The following ZNF335 variants were observed in gnomAD, a reference collection of about 807,000 sequenced individuals.
The protein encoded by ZNF335 is NRC-interacting factor 1.
ZNF335 carries 84 observed loss-of-function variants against 145.6 expected under a neutral mutation model. The observed-to-expected ratio is 0.58, with a 90% CI of 0.48 to 0.69. ZNF335 has a LOEUF of 0.69. Ranked by LOEUF, ZNF335 falls within the 30% of genes least tolerant of loss-of-function variation. The pLI, the probability that ZNF335 is intolerant of heterozygous loss-of-function variation, is 0.00. For synonymous variants in ZNF335, 761 were observed against 717.0 expected (o/e 1.06, Z -0.98); for missense variants, 1,865 against 1,809.7 (o/e 1.03, Z -0.55).
Position 45,969,668 on chromosome 20 carries a change from C to G in ZNF335, c.225G>C (p.Ser75=), listed in dbSNP as rs763235246. 2 of 1,611,682 alleles carry G rather than the reference C, an allele frequency of 1.2e-6. No individual in the cohort carries two copies. The highest frequency in any genetic ancestry group is 1.7e-6 in the Non-Finnish European group (2 of 1,179,116). ...RSQEEVSESS[S]SADPLPNSYL... ...AGCTATTAGGCAGGGGGTCTGCGCT[C>G]GAGCTGCTCTCAGATACCTCCTCCT... is the stretch of plus-strand genomic sequence containing the variant. The change falls in exon 3 of 28, where the codon TCG becomes TCC. Residue 75 remains serine (S), a synonymous_variant. Transcript: ENST00000322927.
At position 45,952,456 on chromosome 20, in the gene ZNF335, G is replaced by T. The variant is rs753295526; in HGVS notation, c.2880C>A (p.Pro960=). The T allele has an allele frequency of 1.9e-6, 3 of 1,563,368 alleles. No homozygotes were observed. ...TGGGCAGTCCCCCACACTGCAGCAGGGGCCATTTGGCACCAGAGGCCAGAG... is the reference window on the plus strand; with the variant it reads ...TGGGCAGTCCCCCACACTGCAGCAGTGGCCATTTGGCACCAGAGGCCAGAG... ...PDALASGAKW[P]LLQCGGLPRD... Residue 960 remains proline (P), a synonymous_variant, in exon 20 of 28, where the codon CCC becomes CCA. Coordinates refer to ENST00000322927, the MANE Select transcript of ZNF335 (RefSeq NM_022095.4).
Position 45,971,221 on chromosome 20 carries a change from T to TGCCGCGGTCCGAGCTTTGCC in ZNF335, c.170_189dup (p.Ser64GlyfsTer43). Reference sequence around the variant, plus strand: ...AGCCGGGTCCATACCTGAGAACGGCTGCCGCGGTCCGAGCTTTGCCCCACG... The same window carrying TGCCGCGGTCCGAGCTTTGCC: ...AGCCGGGTCCATACCTGAGAACGGCTGCCGCGGTCCGAGCTTTGCCGCCGCGGTCCGAGCTTTGCCCCACG... On this transcript the variant is annotated frameshift_variant, in exon 2 of 28. Transcript: ENST00000322927. LOFTEE classifies it high-confidence loss of function. 1 of 1,541,528 alleles carries TGCCGCGGTCCGAGCTTTGCC rather than the reference T, an allele frequency of 6.5e-7. No individual in the cohort carries two copies. Among genetic ancestry groups the TGCCGCGGTCCGAGCTTTGCC allele is most frequent in the Non-Finnish European group, 8.7e-7 (1 of 1,146,218 alleles).
At chr20:45,964,753 T>C (rs942264524) in intron 7 of ZNF335, among the ~76,000 whole-genome samples, 2 of 152,002 alleles carry the variant, frequency 1.3e-5, no homozygotes, top group African/African-American at 2.4e-5. Flanking sequence ...AAGAATACAA[T>C]AGGCCAAGTG....
rs1270743813 is a variant in ZNF335, at chr20:45,952,430, C to G, written c.2906G>C (p.Arg969Thr). 1.9e-6 allele frequency: 3 copies of G among 1,572,954 alleles called. No individual in the cohort carries two copies. The highest frequency in any genetic ancestry group is 1.7e-4 in the Middle Eastern group (1 of 5,858). The change falls in exon 20 of 28, where the codon AGA becomes ACA. Residue 969 changes from arginine (R) to threonine (T), a missense_variant. Physicochemically the swap from Arg to Thr is moderately conservative, Grantham distance 71 (BLOSUM62 -1). Transcript: ENST00000322927. ...TGGAGATGGGGGCTCAGGGCCGTCTCTGGGCAGTCCCCCACACTGCAGCAG... is the reference window on the plus strand; with the variant it reads ...TGGAGATGGGGGCTCAGGGCCGTCTGTGGGCAGTCCCCCACACTGCAGCAG... ...WPLLQCGGLP[R>T]DGPEPPSPAK...
chr20:45,954,337 C>A (rs1193769249), intron 17 of ZNF335, among the ~76,000 whole-genome samples: 1 of 152,108 alleles, frequency 6.6e-6, no homozygotes, highest in African/African-American at 2.4e-5. Context: ...ATGCTAACAG[C>A]GCTGCAGACA....
intron 21 of ZNF335, 26 bp downstream of exon 21, chr20:45,950,427 C>T: frequency 6.2e-7 from 1 of 1,613,924 alleles, no homozygotes; most frequent in Non-Finnish European, 8.5e-7. Context: ...GCCCAGCAGT[C>T]CCCACCCACC....
chr20:45,964,726 T>G (rs1011707393), intron 7 of ZNF335, among the ~76,000 whole-genome samples: 3 of 152,110 alleles, frequency 2.0e-5, no homozygotes, highest in Non-Finnish European at 4.4e-5. Flanking sequence ...AAAAAGGCCT[T>G]TTTGAAATAG....
intron 2 of ZNF335, chr20:45,969,927 G>A: frequency 2.2e-6 from 1 of 445,864 alleles, no homozygotes; most frequent in South Asian, 5.2e-5. Flanking sequence ...AATAAGAGAA[G>A]GGACTCCTAA....
chr20:45,957,959 A>C, intron 15 of ZNF335, 31 bp from the exon 16 acceptor site: 1 of 1,577,336 alleles, frequency 6.3e-7, no homozygotes, highest in South Asian at 1.1e-5. Context: ...CACGCCTGAG[A>C]GGGGCCAGCC....
intron 22 of ZNF335, 24 bp from the exon 23 acceptor site, chr20:45,950,093 C>T (rs2083602017): frequency 6.2e-7 from 1 of 1,611,666 alleles, no homozygotes; most frequent in African/African-American, 1.3e-5. Context: ...AGAGGATGCT[C>T]ACCTGGGGTC....
At chr20:45,960,405 GC>G in intron 13 of ZNF335, 37 bp from the exon 14 acceptor site, 1 of 1,614,184 alleles carries the variant, frequency 6.2e-7, no homozygotes, top group Non-Finnish European at 8.5e-7. Flanking sequence ...TCAGTAATGA[GC>G]TGGGGACTGC....
intron 15 of ZNF335, among the ~76,000 whole-genome samples, chr20:45,958,575 T>C (rs1202065073): frequency 6.6e-6 from 1 of 152,218 alleles, no homozygotes; most frequent in Non-Finnish European, 1.5e-5. Flanking sequence ...CTACCTATCC[T>C]GAGGCCATCC....
intron 10 of ZNF335, 21 bp downstream of exon 10, chr20:45,962,049 C>T: frequency 1.1e-6 from 1 of 892,496 alleles, no homozygotes; most frequent in Non-Finnish European, 1.8e-6. Flanking sequence ...TTGCCCAGGT[C>T]CCTCCCACCC....
chr20:45,971,056 G>C (rs2084054945), intron 2 of ZNF335, among the ~76,000 whole-genome samples, 154 bp downstream of exon 2: 2 of 152,220 alleles, frequency 1.3e-5, no homozygotes, highest in Admixed American at 1.3e-4. Context: ...GCTCAAATGA[G>C]AAAATCCATT....
chr20:45,962,801 G>GTT (rs1445107629), intron 9 of ZNF335, among the ~76,000 whole-genome samples: 1,030 of 93,400 alleles, frequency 0.011, 177 homozygotes, highest in African/African-American at 0.043. Flanking sequence ...AAAAGGAACC[G>GTT]TTTTTTTTTT....
intron 17 of ZNF335, among the ~76,000 whole-genome samples, chr20:45,955,588 G>A (rs1408490349): frequency 6.6e-6 from 1 of 152,032 alleles, no homozygotes; most frequent in African/African-American, 2.4e-5. Flanking sequence ...GGAGGCCAAG[G>A]CAGGCAGATC....
intron 17 of ZNF335, among the ~76,000 whole-genome samples, chr20:45,954,262 G>A (rs1026332560): frequency 6.6e-6 from 1 of 152,136 alleles, no homozygotes; most frequent in African/African-American, 2.4e-5. Flanking sequence ...GGAGAGGCCA[G>A]GGATGCCGCT....
At chr20:45,962,215 G>T (rs771105903) in intron 9 of ZNF335, 33 bp from the exon 10 acceptor site, 1 of 1,573,458 alleles carries the variant, frequency 6.4e-7, no homozygotes, top group Non-Finnish European at 8.7e-7. Flanking sequence ...GTGGGCTGGG[G>T]CTTGGCCTCC....
rs755141981 is a variant in ZNF335, at chr20:45,971,468, G to C, written c.-50-8C>G. ...GGGTCTGGGAACTTCACTCTGAGAAGAGAGGTGACCGTGGCTGGAACAAGT... is the reference window on the plus strand; with the variant it reads ...GGGTCTGGGAACTTCACTCTGAGAACAGAGGTGACCGTGGCTGGAACAAGT... On this transcript the variant is annotated splice_polypyrimidine_tract_variant and splice_region_variant and intron_variant, in intron 1 of 27. Transcript: ENST00000322927. The C allele has an allele frequency of 6.3e-7, 1 of 1,583,652 alleles. No individual in the cohort carries two copies. Among genetic ancestry groups the C allele is most frequent in the South Asian group, 1.1e-5 (1 of 89,196 alleles).
Sources: allele counts gnomAD v4.1 joint callset (sites outside exome capture counted in the v4.1 genomes callset), GRCh38; gene constraint gnomAD v4.1.1; transcripts MANE v1.5; gene names NCBI Gene and HGNC (gene_info 2026-07-23, HGNC 2026-07-21).